Variants in NAV3 observed in about 807,000 individuals in gnomAD.
The protein encoded by NAV3 is neuron navigator 3.
A neutral mutation model predicts 244.7 loss-of-function variants in NAV3; 87 were observed. That is an observed-to-expected ratio of 0.36 (90% confidence interval 0.30 to 0.42). The LOEUF (loss-of-function observed/expected upper bound fraction) is 0.42, where lower values mean the gene tolerates loss of function less well. Ranked by LOEUF, NAV3 falls within the 20% of genes least tolerant of loss-of-function variation. NAV3 has a pLI of 1.00. For synonymous variants in NAV3, 1,126 were observed against 1,042.2 expected (o/e 1.08, Z -1.55); for missense variants, 2,663 against 2,893.3 (o/e 0.92, Z 1.83).
At chr12:78,110,131 G>A (rs190113418) in intron 12 of NAV3, among the ~76,000 whole-genome samples, 103 of 152,050 alleles carry the variant, frequency 6.8e-4, no homozygotes, top group Non-Finnish European at 1.3e-3. Flanking sequence ...AAAGTCAGTA[G>A]CATTTCTATG....
intron 1 of NAV3, among the ~76,000 whole-genome samples, chr12:77,833,502 G>T (rs1874077566): frequency 6.6e-6 from 1 of 152,206 alleles, no homozygotes; most frequent in South Asian, 2.1e-4. Flanking sequence ...GAGGGATCAT[G>T]CAGATGGGCA....
intron 9 of NAV3, among the ~76,000 whole-genome samples, chr12:78,022,274 T>G (rs1877285402): frequency 6.6e-6 from 1 of 152,034 alleles, no homozygotes; most frequent in Middle Eastern, 3.2e-3. Flanking sequence ...TAAAAAACTC[T>G]GAAAAGGAAA....
chr12:77,995,275 C>T (rs1872168481), intron 6 of NAV3, among the ~76,000 whole-genome samples: 1 of 152,062 alleles, frequency 6.6e-6, no homozygotes, highest in Non-Finnish European at 1.5e-5. Context: ...AAAACATTGG[C>T]AGATTTTAGT....
intron 2 of NAV3, among the ~76,000 whole-genome samples, chr12:77,712,752 A>G (rs1462037284): frequency 6.6e-6 from 1 of 152,236 alleles, no homozygotes; most frequent in Non-Finnish European, 1.5e-5. Context: ...AGAGATAGCA[A>G]TCATTGCCTC....
intron 1 of NAV3, among the ~76,000 whole-genome samples, chr12:77,901,161 C>T (rs1369096725): frequency 1.3e-5 from 2 of 152,180 alleles, no homozygotes; most frequent in Non-Finnish European, 2.9e-5. Context: ...TATTTTCTCC[C>T]ATTTTATAGA....
Position 77,600,583 on chromosome 12 carries a change from A to G in NAV3, c.72+28317A>G, listed in dbSNP as rs147383508. Among the ~76,000 whole-genome samples, 65 of 152,116 alleles carry G rather than the reference A, an allele frequency of 4.3e-4. 2 individuals carry two copies. Among genetic ancestry groups the G allele is most frequent in the Middle Eastern group, 3.4e-3 (1 of 294 alleles). ...AGAGAAGAGAACTCATCAGAAACAC[A>G]CTTGGCAAGTGCATTATTTCAGAAG... is the stretch of plus-strand genomic sequence containing the variant. On this transcript the variant is annotated intron_variant, in intron 2 of 8. Coordinates refer to the NAV3 transcript ENST00000550042.
intron 5 of NAV3, among the ~76,000 whole-genome samples, chr12:77,989,036 A>C (rs1410225461): frequency 6.6e-6 from 1 of 152,168 alleles, no homozygotes; most frequent in Non-Finnish European, 1.5e-5. Flanking sequence ...ATCATGTGAA[A>C]ATTTGAAAGA....
intron 2 of NAV3, among the ~76,000 whole-genome samples, chr12:77,576,035 A>G (rs1869064959): frequency 6.6e-6 from 1 of 152,030 alleles, no homozygotes; most frequent in South Asian, 2.1e-4. Flanking sequence ...TCCCCAAATC[A>G]CGTATTTTAC....
chr12:78,124,621 T>G (rs1251985840), intron 16 of NAV3, among the ~76,000 whole-genome samples: 3 of 152,054 alleles, frequency 2.0e-5, no homozygotes, highest in Non-Finnish European at 4.4e-5. Context: ...GCTGGGCTAA[T>G]TTTTGTATTT....
chr12:77,979,353 C>G (rs1188908018), intron 5 of NAV3, among the ~76,000 whole-genome samples: 2 of 151,724 alleles, frequency 1.3e-5, no homozygotes, highest in Non-Finnish European at 2.9e-5. Context: ...AATTGCACCA[C>G]TACATTCCAG....
At chr12:77,861,109 T>C (rs142226528) in intron 1 of NAV3, among the ~76,000 whole-genome samples, 2 of 151,932 alleles carry the variant, frequency 1.3e-5, no homozygotes, top group Non-Finnish European at 2.9e-5. Flanking sequence ...TAACCATGAT[T>C]GTCTCCTATG....
intron 16 of NAV3, among the ~76,000 whole-genome samples, chr12:78,124,083 C>A (rs900873302): frequency 6.6e-6 from 1 of 152,208 alleles, no homozygotes; most frequent in African/African-American, 2.4e-5. Flanking sequence ...TTATTAACCA[C>A]AACCACCTTC....
chr12:77,687,674 A>G (rs115910597), intron 2 of NAV3, among the ~76,000 whole-genome samples: 1 of 152,210 alleles, frequency 6.6e-6, no homozygotes, highest in African/African-American at 2.4e-5. Context: ...AAAAAGAGAA[A>G]CTCATGAGAA....
chr12:77,730,770 CT>C (rs200147386), intron 2 of NAV3, among the ~76,000 whole-genome samples: 565 of 136,044 alleles, frequency 4.2e-3, no homozygotes, highest in East Asian at 9.5e-3. Context: ...GTGCTTTTTT[CT>C]TTTTTTTTTT....
intron 5 of NAV3, among the ~76,000 whole-genome samples, chr12:77,979,864 GA>G (rs760295477): frequency 2.6e-5 from 4 of 152,126 alleles, no homozygotes; most frequent in Non-Finnish European, 5.9e-5. Flanking sequence ...GTGCTACACA[GA>G]AAGCCACTTA....
At chr12:77,649,508 A>G in intron 2 of NAV3, among the ~76,000 whole-genome samples, 1 of 152,262 alleles carries the variant, frequency 6.6e-6, no homozygotes, top group Admixed American at 6.5e-5. Flanking sequence ...TATACAGCTG[A>G]GTTCTTGGAT....
intron 5 of NAV3, among the ~76,000 whole-genome samples, chr12:77,974,843 C>T (rs920420750): frequency 3.3e-5 from 5 of 152,144 alleles, no homozygotes; most frequent in Admixed American, 2.0e-4. Context: ...AAAATGCTTA[C>T]TTAGCATAAC....
At chr12:78,027,842 G>C (rs997352995) in intron 9 of NAV3, among the ~76,000 whole-genome samples, 5 of 151,752 alleles carry the variant, frequency 3.3e-5, no homozygotes, top group Non-Finnish European at 7.4e-5. Context: ...GTTTTTGTTT[G>C]TTTGCTTATT....
At chr12:78,142,453 C>A (rs1956657028) in intron 20 of NAV3, among the ~76,000 whole-genome samples, 1 of 151,682 alleles carries the variant, frequency 6.6e-6, no homozygotes. Flanking sequence ...GATGAATTGA[C>A]TTTTTTATTT....
Sources: gnomAD v4.1 joint callset for allele counts (sites outside exome capture counted in the v4.1 genomes callset) on GRCh38, gnomAD v4.1.1 for gene constraint, MANE v1.5 for transcripts, NCBI Gene and HGNC (gene_info 2026-07-23, HGNC 2026-07-21) for gene names.